Variants in NAP1L1 observed in about 807,000 individuals in gnomAD.
NAP1L1 encodes the protein nucleosome assembly protein 1-like 1.
NAP1L1 carries 9 observed loss-of-function variants against 58.9 expected under a neutral mutation model. The observed-to-expected ratio is 0.15, with a 90% CI of 0.09 to 0.27. The LOEUF (loss-of-function observed/expected upper bound fraction) is 0.27, where lower values mean the gene tolerates loss of function less well. Ranked by LOEUF, NAP1L1 falls within the 10% of genes least tolerant of loss-of-function variation. NAP1L1 has a pLI of 1.00. For missense variants in NAP1L1, 302 were observed against 458.8 expected (o/e 0.66, Z 3.12); for synonymous variants, 130 against 138.3 (o/e 0.94, Z 0.42).
At chr12:76,062,788 CAT>C (rs1327432933) in intron 4 of NAP1L1, among the ~76,000 whole-genome samples, 1 of 152,148 alleles carries the variant, frequency 6.6e-6, no homozygotes, top group African/African-American at 2.4e-5. Context: ...GATCTCTTCA[CAT>C]ATGAGAATGA....
intron 2 of NAP1L1, among the ~76,000 whole-genome samples, chr12:76,070,327 C>CA (rs1949895745): frequency 6.6e-6 from 1 of 152,126 alleles, no homozygotes; most frequent in Non-Finnish European, 1.5e-5. Flanking sequence ...GGGCTGGTCT[C>CA]AAACTCCTGG....
At chr12:76,067,517 G>A in intron 3 of NAP1L1, 44 bp from the exon 4 acceptor site, 1 of 1,476,744 alleles carries the variant, frequency 6.8e-7, no homozygotes, top group Non-Finnish European at 9.3e-7. Context: ...TTATGAAAAT[G>A]TATTATGCTT....
intron 1 of NAP1L1, among the ~76,000 whole-genome samples, chr12:76,079,685 T>C (rs1036346039): frequency 2.4e-5 from 2 of 84,824 alleles, no homozygotes; most frequent in African/African-American, 1.0e-4. Flanking sequence ...CTTGAAGGCA[T>C]TTTTTTTTTT....
At chr12:76,059,617 T>C (rs766612836) in intron 6 of NAP1L1, 181 bp downstream of exon 6, 47 of 538,386 alleles carry the variant, frequency 8.7e-5, no homozygotes, top group Middle Eastern at 4.9e-4. Flanking sequence ...AATTACAATC[T>C]TGAATGACTG....
At chr12:76,072,426 CAG>C (rs1352566757) in intron 2 of NAP1L1, among the ~76,000 whole-genome samples, 3 of 151,550 alleles carry the variant, frequency 2.0e-5, no homozygotes, top group African/African-American at 4.8e-5. Flanking sequence ...AGCAAAGAGA[CAG>C]AGATGGAAAA....
chr12:76,083,616 A>G (rs74102251), intron 1 of NAP1L1, among the ~76,000 whole-genome samples: 1,772 of 152,256 alleles, frequency 0.012, 31 homozygotes, highest in African/African-American at 0.04. Context: ...CCTGATCAAG[A>G]CACCCATCTA....
At chr12:76,048,550 C>T in intron 14 of NAP1L1, 86 bp from the exon 15 acceptor site, 2 of 1,329,014 alleles carry the variant, frequency 1.5e-6, no homozygotes, top group East Asian at 2.3e-5. Context: ...TTAATTATAA[C>T]AGTAGCTCAC....
intron 3 of NAP1L1, 77 bp from the exon 4 acceptor site, chr12:76,067,550 C>A (rs1246982219): frequency 8.2e-7 from 1 of 1,213,696 alleles, no homozygotes; most frequent in Non-Finnish European, 1.2e-6. Flanking sequence ...AATCCAATCT[C>A]ATGAAGTTTT....
chr12:76,064,396 G>A (rs1949565261), intron 4 of NAP1L1, among the ~76,000 whole-genome samples: 1 of 151,950 alleles, frequency 6.6e-6, no homozygotes, highest in African/African-American at 2.4e-5. Context: ...ATAAGCTTGA[G>A]CTATTAATTT....
intron 6 of NAP1L1, chr12:76,057,540 G>T (rs1344268323): frequency 2.6e-6 from 2 of 783,888 alleles, no homozygotes; most frequent in African/African-American, 3.4e-5. Flanking sequence ...TTTGTGAAAT[G>T]GCTGCTGACG....
chr12:76,048,531 A>G (rs1948680340), intron 14 of NAP1L1, 67 bp from the exon 15 acceptor site: 27 of 1,500,250 alleles, frequency 1.8e-5, no homozygotes, highest in Non-Finnish European at 2.5e-5. Flanking sequence ...CTCAATAGTA[A>G]TTACTGCCTT....
chr12:76,066,648 G>A (rs1017615038), intron 4 of NAP1L1, among the ~76,000 whole-genome samples: 1 of 152,092 alleles, frequency 6.6e-6, no homozygotes, highest in African/African-American at 2.4e-5. Context: ...AAAACACTAT[G>A]AAGCTGGATG....
At chr12:76,049,709 C>T (rs778991404) in intron 13 of NAP1L1, 47 bp downstream of exon 13, 23 of 1,606,188 alleles carry the variant, frequency 1.4e-5, no homozygotes, top group Non-Finnish European at 1.3e-5. Context: ...ATTTGCTTCT[C>T]AATGTGTTAA....
rs115799684 is a variant in NAP1L1 at position 76,066,202 on chromosome 12, C to T, written c.206+1169G>A. On this transcript the variant is annotated intron_variant, in intron 4 of 14. Transcript: ENST00000618691. The stretch of plus-strand genomic sequence containing the variant: ...AGAAAAAAAAGGAACTGGAAGCCTA[C>T]GTACAACTAATACAAAGGTAGACTC... 4.5e-3 allele frequency among the ~76,000 whole-genome samples: 688 copies of T among 151,652 alleles called. 5 individuals are homozygous for T. Among genetic ancestry groups the T allele is most frequent in the African/African-American group, 0.016 (673 of 41,460 alleles).
At chr12:76,054,773 T>C (rs1255755190) in intron 8 of NAP1L1, among the ~76,000 whole-genome samples, 2 of 152,208 alleles carry the variant, frequency 1.3e-5, no homozygotes, top group Non-Finnish European at 2.9e-5. Flanking sequence ...AAAGTACTTA[T>C]TCATGTTCCC....
At position 76,037,538 on chromosome 12, in the gene NAP1L1, T is replaced by C. The variant is rs1480496667; in HGVS notation, c.*10891A>G. 1.3e-5 allele frequency: 2 copies of C among 152,212 alleles called. No individual in the cohort carries two copies. Among genetic ancestry groups the C allele is most frequent in the African/African-American group, 4.8e-5 (2 of 41,436 alleles). The allele number at this position is 152,212 out of a possible 1,614,324, so 9.4% of individuals were successfully genotyped here. ...TTACTCTTAAAACATGACAGAAAAC[T>C]TCTATTCGCCTCCAATTGTATACAT... is the stretch of plus-strand genomic sequence containing the variant. On this transcript the variant is annotated 3_prime_UTR_variant, in exon 15 of 15. Transcript: ENST00000618691.
intron 1 of NAP1L1, among the ~76,000 whole-genome samples, chr12:76,077,457 C>G (rs1950220692): frequency 6.6e-6 from 1 of 151,958 alleles, no homozygotes; most frequent in Non-Finnish European, 1.5e-5. Flanking sequence ...GAAGTGGGAC[C>G]CAAAAATCTG....
At chr12:76,057,954 T>C in intron 6 of NAP1L1, 1 of 1,009,218 alleles carries the variant, frequency 9.9e-7, no homozygotes, top group Non-Finnish European at 1.6e-6. Flanking sequence ...TTGAAATTGA[T>C]CTTAAATCAC....
intron 1 of NAP1L1, among the ~76,000 whole-genome samples, chr12:76,080,879 T>C (rs1185817304): frequency 2.6e-5 from 4 of 152,120 alleles, no homozygotes; most frequent in Non-Finnish European, 5.9e-5. Flanking sequence ...CATGGATTAA[T>C]GTATTTCTTT....
Sources: allele counts gnomAD v4.1 joint callset (sites outside exome capture counted in the v4.1 genomes callset), GRCh38; gene constraint gnomAD v4.1.1; transcripts MANE v1.5; gene names NCBI Gene and HGNC (gene_info 2026-07-23, HGNC 2026-07-21).